Variants in PGM3 observed in about 807,000 individuals in gnomAD.
PGM3 encodes phosphoglucomutase 3, also known as phosphoacetylglucosamine mutase.
In PGM3, 40 loss-of-function variants were observed where a neutral mutation model predicts 66.2. The observed-to-expected ratio is 0.60, with a 90% CI of 0.47 to 0.79. The LOEUF (loss-of-function observed/expected upper bound fraction) is 0.79, where lower values mean the gene tolerates loss of function less well. PGM3 is among the 30% of genes least tolerant of loss of function. The probability of loss-of-function intolerance (pLI) is 0.00; values close to 1 mark genes in which losing one functional copy is unlikely to be tolerated. For synonymous variants in PGM3, 191 were observed against 224.2 expected, an observed-to-expected ratio of 0.85 and a Z score of 1.32; for missense variants, 537 against 643.4, an observed-to-expected ratio of 0.83 and a Z score of 1.79.
downstream of PGM3, among the ~76,000 whole-genome samples, chr6:83,163,516 T>C (rs1784727616): frequency 6.6e-6 from 1 of 152,204 alleles, no homozygotes; most frequent in Admixed American, 6.5e-5. Context: ...TTAGCATTCA[T>C]TCTGTTTATC....
chr6:83,170,749 C>A (rs1210650192), intron 11 of PGM3: 3 of 280,708 alleles, frequency 1.1e-5, no homozygotes, highest in African/African-American at 2.2e-5. Context: ...GACTAAGTCC[C>A]ATATCACACA....
chr6:83,152,711 G>A, the PGM3 span, among the ~76,000 whole-genome samples: 4 of 149,074 alleles, frequency 2.7e-5, no homozygotes, highest in African/African-American at 7.4e-5. Context: ...TCTGCCTCCC[G>A]GGCTCAAGCT....
At chr6:83,159,442 GTTTT>G (rs566662199), downstream of PGM3, among the ~76,000 whole-genome samples, 1 of 141,124 alleles carries the variant, frequency 7.1e-6, no homozygotes, top group Non-Finnish European at 1.6e-5. Flanking sequence ...CCTGGCTAGT[GTTTT>G]TTTTTTTTGT....
Position 83,166,588 on chromosome 6 carries a change from G to T in PGM3, c.*2646C>A. 1 of 640,916 alleles carries T rather than the reference G, an allele frequency of 1.6e-6. No individual in the cohort carries two copies. The highest frequency in any genetic ancestry group is 2.6e-6 in the Non-Finnish European group (1 of 390,426). The allele number at this position is 640,916 out of a possible 1,614,324, so 39.7% of individuals were successfully genotyped here. A position where few individuals can be genotyped will look rare whatever the true frequency, so the allele number is the denominator to read the frequency against. ...AAAAAGTGAGAAATATGCTTAAAAT[G>T]ATGTATAACATAACCACATTTATTT... On this transcript the variant is annotated 3_prime_UTR_variant, in exon 13 of 13. Transcript: ENST00000513973.
At chr6:83,164,770 A>G, downstream of PGM3, 2 of 1,474,694 alleles carry the variant, frequency 1.4e-6, no homozygotes, top group Non-Finnish European at 1.8e-6. Context: ...GTTGCCAAAT[A>G]TTGAGACACA....
chr6:83,159,628 A>G, downstream of PGM3: 1 of 762,280 alleles, frequency 1.3e-6, no homozygotes, highest in East Asian at 2.6e-5. Flanking sequence ...AGAAAAGTGA[A>G]TTTTTGATTT....
intron 10 of PGM3, among the ~76,000 whole-genome samples, 167 bp downstream of exon 10, chr6:83,174,207 C>T (rs1444316591): frequency 6.6e-6 from 1 of 152,148 alleles, no homozygotes; most frequent in East Asian, 1.9e-4. Context: ...AAAAAATGTT[C>T]TGTCATTCCA....
chr6:83,188,877 C>A, intron 2 of PGM3, 79 bp from the exon 3 acceptor site: 1 of 1,199,016 alleles, frequency 8.3e-7, no homozygotes, highest in Non-Finnish European at 1.2e-6. Flanking sequence ...AAGCTGTTTC[C>A]CTTCAACCAA....
rs752336134 is a variant in PGM3, at chr6:83,170,372, G to C, written c.1472C>G (p.Ser491Cys). 1 of 1,614,140 alleles carries C rather than the reference G, an allele frequency of 6.2e-7. No homozygotes were observed. The stretch of plus-strand genomic sequence containing the variant: ...ACCAGAGGGCCGGACAAAAGCTCGA[G>C]AAAGCTTGTACTTCTTCACCAGGTC... ...INDLVKKYKL[S>C]RAFVRPSGTE... The change falls in exon 12 of 13, where the codon TCT becomes TGT. Residue 491 changes from serine (S) to cysteine (C), a missense_variant. Ser to Cys is a moderately radical substitution (Grantham distance 112). Coordinates refer to ENST00000513973, the MANE Select transcript of PGM3 (RefSeq NM_015599.3).
At chr6:83,181,999 T>C in intron 5 of PGM3, 68 bp from the exon 6 acceptor site, 6 of 936,974 alleles carry the variant, frequency 6.4e-6, no homozygotes, top group Non-Finnish European at 9.5e-6. Flanking sequence ...ATATAAAGCA[T>C]ATATACATAT....
In PGM3 at chr6:83,168,220, C is replaced by A; in HGVS notation, c.*1014G>T. 2.6e-6 allele frequency: 4 copies of A among 1,556,838 alleles called. No homozygotes were observed. The highest frequency in any genetic ancestry group is 3.5e-6 in the Non-Finnish European group (4 of 1,157,398). On this transcript the variant is annotated 3_prime_UTR_variant, in exon 13 of 13. Coordinates refer to ENST00000513973, the MANE Select transcript of PGM3 (RefSeq NM_015599.3). ...CATGTAAATGTAATTATTTAAAACA[C>A]ACACACTGCTCTGCGTTGTATAGTT...
At position 83,165,069 on chromosome 6, in the gene PGM3, A is replaced by G. The variant is rs1371871835; in HGVS notation, c.*4165T>C. The G allele has an allele frequency of 9.6e-6, 2 of 209,160 alleles. No individual in the cohort carries two copies. The highest frequency in any genetic ancestry group is 2.4e-5 in the African/African-American group (1 of 42,426). The allele number at this position is 209,160 out of a possible 1,614,324, so 13.0% of individuals were successfully genotyped here. ...TCTCTTACATTTGGAAGTTAGCTAT[A>G]TAGAGGGTACAAGGATATTCATTTT... On this transcript the variant is annotated 3_prime_UTR_variant, in exon 13 of 13. Transcript: ENST00000513973.
At chr6:83,180,831 CATA>C (rs1788125407) in intron 6 of PGM3, among the ~76,000 whole-genome samples, 1 of 152,154 alleles carries the variant, frequency 6.6e-6, no homozygotes, top group African/African-American at 2.4e-5. Flanking sequence ...CTAAGTAAAG[CATA>C]ATAACATGAA....
At chr6:83,148,762 T>C in the PGM3 span, 848 of 1,546,640 alleles carry the variant, frequency 5.5e-4, 1 homozygote, top group Non-Finnish European at 4.6e-4. Flanking sequence ...CTTGCAGAAT[T>C]CCAGTGCCCA....
intron 4 of PGM3, among the ~76,000 whole-genome samples, chr6:83,186,124 T>C (rs1315034810): frequency 6.6e-6 from 1 of 152,138 alleles, no homozygotes; most frequent in Non-Finnish European, 1.5e-5. Context: ...CTGTACATCG[T>C]ATCATGAGGT....
chr6:83,171,853 T>G (rs754759235), intron 11 of PGM3, 84 bp downstream of exon 11: 7 of 1,075,044 alleles, frequency 6.5e-6, no homozygotes, highest in Non-Finnish European at 9.8e-6. Context: ...AGGAAACATA[T>G]GTCAGTGAGA....
chr6:83,187,813 A>T (rs1788695935), intron 3 of PGM3, among the ~76,000 whole-genome samples: 1 of 152,220 alleles, frequency 6.6e-6, no homozygotes, highest in Non-Finnish European at 1.5e-5. Context: ...AAAAAAATAA[A>T]AAATAATAAA....
In PGM3 at chr6:83,186,059, A is replaced by G. The variant is rs904081408; in HGVS notation, c.457+949T>C. 2.0e-5 allele frequency among the ~76,000 whole-genome samples: 3 copies of G among 152,190 alleles called. No homozygotes were observed. In the East Asian group the frequency reaches 5.8e-4, roughly 29 times the overall value. The stretch of plus-strand genomic sequence containing the variant: ...TTTTAGATCACAGCCCCCTCTGAGT[A>G]TCTGAGGAGAGGTACGCATGCACTC... On this transcript the variant is annotated intron_variant, in intron 4 of 12. Coordinates refer to ENST00000513973, the MANE Select transcript of PGM3 (RefSeq NM_015599.3).
chr6:83,172,385 C>T (rs1484884718), intron 10 of PGM3, among the ~76,000 whole-genome samples: 1 of 152,086 alleles, frequency 6.6e-6, no homozygotes, highest in Admixed American at 6.5e-5. Flanking sequence ...TGCACTCCAG[C>T]CTGGGCAACA....
Sources: gnomAD v4.1 joint callset for allele counts (sites outside exome capture counted in the v4.1 genomes callset) on GRCh38, gnomAD v4.1.1 for gene constraint, MANE v1.5 for transcripts, NCBI Gene and HGNC (gene_info 2026-07-23, HGNC 2026-07-21) for gene names.